The following MED23 variants were observed in gnomAD, a reference collection of about 807,000 sequenced individuals.
MED23 encodes the protein mediator of RNA polymerase II transcription subunit 23.
A neutral mutation model predicts 163.9 loss-of-function variants in MED23; 105 were observed. That is an observed-to-expected ratio of 0.64 (90% CI 0.55 to 0.75). The LOEUF is 0.75. Among genes scored for constraint, MED23 ranks in the 30% least tolerant of loss-of-function variants. The pLI is 0.00. For synonymous variants in MED23, 561 were observed against 565.6 expected (o/e 0.99, Z 0.12); for missense variants, 1,054 against 1,649.0 (o/e 0.64, Z 6.25).
Position 131,587,069 on chromosome 6 carries a change from A to C in MED23, c.*610T>G. ...CCAACTAATTTTATACAGTAAGTTCAAGTCCATAGCAAAGGTAATAAAACT... is the reference window on the plus strand; with the variant it reads ...CCAACTAATTTTATACAGTAAGTTCCAGTCCATAGCAAAGGTAATAAAACT... On this transcript the variant is annotated 3_prime_UTR_variant, in exon 29 of 29. Transcript: ENST00000368068. 1 of 1,356,574 alleles carries C rather than the reference A, an allele frequency of 7.4e-7. No homozygotes were observed. Among genetic ancestry groups the C allele is most frequent in the Non-Finnish European group, 9.5e-7 (1 of 1,049,144 alleles). 84.0% of individuals were successfully genotyped at this position (1,356,574 alleles called of 1,614,324 possible).
chr6:131,583,206 A>T, downstream of MED23: 1 of 1,598,932 alleles, frequency 6.3e-7, no homozygotes, highest in Non-Finnish European at 8.6e-7. Flanking sequence ...GTGCAACAGA[A>T]AAGGTTGCTA....
rs1026177610 is a variant in MED23, at chr6:131,591,533, A to C, written c.3472-6T>G. On this transcript the variant is annotated splice_region_variant and splice_polypyrimidine_tract_variant and intron_variant, in intron 25 of 28. Coordinates refer to ENST00000368068, the MANE Select transcript of MED23 (RefSeq NM_004830.4). The stretch of plus-strand genomic sequence containing the variant: ...AGAACAATCCAATATGGCTCCTTTA[A>C]AATCGGAGGAAAGCTAGTGAAAAAT... 6.3e-7 allele frequency: 1 copy of C among 1,599,064 alleles called. No individual in the cohort carries two copies. The highest frequency in any genetic ancestry group is 8.6e-7 in the Non-Finnish European group (1 of 1,168,070).
chr6:131,601,544 T>C (rs1305147961), intron 17 of MED23, among the ~76,000 whole-genome samples: 1 of 152,226 alleles, frequency 6.6e-6, no homozygotes, highest in Non-Finnish European at 1.5e-5. Context: ...CATTTTTCCA[T>C]GTGATGTCAA....
chr6:131,590,279 TC>T, intron 27 of MED23, 42 bp downstream of exon 27: 1 of 1,570,348 alleles, frequency 6.4e-7, no homozygotes, highest in Non-Finnish European at 8.8e-7. Context: ...AATAGATACT[TC>T]AGAATTTAAT....
At chr6:131,625,179 A>AG (rs1444957894) in intron 3 of MED23, among the ~76,000 whole-genome samples, 190 bp from the exon 4 acceptor site, 1 of 152,250 alleles carries the variant, frequency 6.6e-6, no homozygotes, top group African/African-American at 2.4e-5. Context: ...CATTAAGCTT[A>AG]ACATTTTGTA....
intron 27 of MED23, 67 bp downstream of exon 27, chr6:131,590,255 G>C: frequency 6.8e-7 from 1 of 1,469,386 alleles, no homozygotes. Context: ...CAATAACACT[G>C]GTAAAGAAAC....
rs781291596 is a variant in MED23, at chr6:131,596,548, G to A, written c.2748C>T (p.Asp916=). ...ENSPEHWLQN[D]WHTKHMNYHK... is the part of the protein sequence containing the mutation. ...GATAATTCATGTGCTTGGTGTGCCA[G>A]TCATTCTGTAACCAGTGCTCTGGGG... Residue 916 remains aspartate (D), a synonymous_variant, in exon 21 of 29, where the codon GAC becomes GAT. Transcript: ENST00000368068. 1 of 1,614,206 alleles carries A rather than the reference G, an allele frequency of 6.2e-7. No homozygotes were observed. Among genetic ancestry groups the A allele is most frequent in the Non-Finnish European group, 8.5e-7 (1 of 1,180,016 alleles).
chr6:131,618,974 T>C (rs1319744589), intron 8 of MED23, among the ~76,000 whole-genome samples: 2 of 152,258 alleles, frequency 1.3e-5, no homozygotes, highest in Non-Finnish European at 2.9e-5. Flanking sequence ...TTAAACTTTA[T>C]GCACGATATT....
chr6:131,602,365 G>C lies in MED23; in HGVS notation c.1948C>G (p.Leu650Val). ...CTACCTAATGCTGTTATAAGCCTGA[G>C]AGCAGTGCTCTCGACACTGAAAATT... ...QLHLCVESTA[L>V]RLITALGSSE... Residue 650 changes from leucine to valine, a missense_variant, in exon 17 of 29, where the codon CTC becomes GTC. Around this residue, in one of 11 missense-constraint regions of MED23, gnomAD observed 228 missense variants for 461.3 expected, o/e 0.49. Coordinates refer to ENST00000368068, the MANE Select transcript of MED23 (RefSeq NM_004830.4). The C allele has an allele frequency of 1.2e-6, 2 of 1,613,620 alleles. No individual in the cohort carries two copies. The highest frequency in any genetic ancestry group is 1.7e-6 in the Non-Finnish European group (2 of 1,179,708).
rs1774235238 is a variant in MED23 at position 131,587,174 on chromosome 6, G to A, written c.*505C>T. 2 of 1,159,848 alleles carry A rather than the reference G, an allele frequency of 1.7e-6. No homozygotes were observed. The highest frequency in any genetic ancestry group is 2.2e-6 in the Non-Finnish European group (2 of 928,090). 71.8% of individuals were successfully genotyped at this position (1,159,848 alleles called of 1,614,324 possible). ...TTAAAAAGAATATGAAGCCTTGTTT[G>A]CTCCTACAATGCAACAAAATCTAGA... On this transcript the variant is annotated 3_prime_UTR_variant, in exon 29 of 29. Transcript: ENST00000368068.
At chr6:131,576,760 C>A in intron 30 of MED23, 1 of 1,596,166 alleles carries the variant, frequency 6.3e-7, no homozygotes, top group South Asian at 1.1e-5. Context: ...GAAAAATGAT[C>A]AGCCTGATTT....
intron 4 of MED23, 116 bp from the exon 5 acceptor site, chr6:131,623,578 C>G (rs1269443511): frequency 1.7e-5 from 14 of 805,746 alleles, no homozygotes; most frequent in Non-Finnish European, 2.8e-5. Context: ...ATTGTAGTTC[C>G]CATAATCCCC....
At chr6:131,583,882 A>G (rs2114551786), downstream of MED23, 19 of 1,614,150 alleles carry the variant, frequency 1.2e-5, no homozygotes, top group East Asian at 4.5e-5. Context: ...TCACAAGCCT[A>G]TTGACTACCT....
At position 131,621,972 on chromosome 6, in the gene MED23, C is replaced by G; in HGVS notation, c.404G>C (p.Arg135Pro). The change falls in exon 6 of 29, where the codon CGA becomes CCA. Residue 135 changes from arginine (R) to proline (P), a missense_variant. Physicochemically the swap from Arg to Pro is moderately radical, Grantham distance 103. Around this residue, in one of 11 missense-constraint regions of MED23, gnomAD observed 227 missense variants for 235.5 expected, o/e 0.96. Transcript: ENST00000368068. ...CTCCAAAATCACTTTTAAGAGATCT[C>G]GAACACCCTGATATAAGAAAAAAGA... The part of the protein sequence containing the change: ...IIGGVDYKGV[R>P]DLLKVILEKI... The G allele has an allele frequency of 1.9e-6, 3 of 1,610,878 alleles. No homozygotes were observed. The highest frequency in any genetic ancestry group is 2.5e-6 in the Non-Finnish European group (3 of 1,177,238).
chr6:131,610,268 C>T, intron 10 of MED23, 22 bp from the exon 11 acceptor site: 2 of 1,611,094 alleles, frequency 1.2e-6, no homozygotes, highest in Non-Finnish European at 1.7e-6. Flanking sequence ...AGATTAAATA[C>T]AGTATTCCAA....
At chr6:131,608,961 A>G (rs1311719936) in intron 11 of MED23, among the ~76,000 whole-genome samples, 2 of 152,032 alleles carry the variant, frequency 1.3e-5, no homozygotes, top group Non-Finnish European at 2.9e-5. Flanking sequence ...CACAGTAGGA[A>G]CCACTCAGCA....
chr6:131,618,348 A>G (rs1776841252), intron 9 of MED23, 59 bp downstream of exon 9: 1 of 1,106,344 alleles, frequency 9.0e-7, no homozygotes, highest in African/African-American at 1.6e-5. Flanking sequence ...CACATATCTT[A>G]TAATCTAGGT....
At chr6:131,583,064 A>G, downstream of MED23, 1 of 1,611,026 alleles carries the variant, frequency 6.2e-7, no homozygotes, top group Non-Finnish European at 8.5e-7. Context: ...TTATAGCTAC[A>G]TTTTGAAAAC....
intron 10 of MED23, chr6:131,615,287 C>T (rs773277144): frequency 4.4e-6 from 7 of 1,605,448 alleles, no homozygotes; most frequent in Admixed American, 3.3e-5. Flanking sequence ...GCCAGCGTAT[C>T]GTTAGTCACA....
Sources: allele counts gnomAD v4.1 joint callset (sites outside exome capture counted in the v4.1 genomes callset), GRCh38; gene constraint gnomAD v4.1.1; regional missense constraint gnomAD v4.1.1; transcripts MANE v1.5; gene names NCBI Gene and HGNC (gene_info 2026-07-23, HGNC 2026-07-21).